FER1L6: variants seen among roughly 807,000 people sequenced by gnomAD.
FER1L6 encodes the protein fer-1 like family member 6, also known as fer-1-like protein 6.
FER1L6 carries 177 observed loss-of-function variants against 219.2 expected under a neutral mutation model. That is an observed-to-expected ratio of 0.81 (90% CI 0.71 to 0.91). The LOEUF (loss-of-function observed/expected upper bound fraction) is 0.91, where lower values mean the gene tolerates loss of function less well. Among genes scored for constraint, FER1L6 ranks in the 40% least tolerant of loss-of-function variants. The pLI is 0.00. For synonymous variants in FER1L6, 768 were observed against 824.3 expected (o/e 0.93, Z 1.17); for missense variants, 2,153 against 2,259.9 (o/e 0.95, Z 0.96).
chr8:124,021,668 A>T lies in FER1L6; in HGVS notation c.2132A>T (p.Glu711Val), dbSNP rs201252995. ...FVEKIRFLVDEPQHTIPDVFI... is the reference protein window; with the variant it reads ...FVEKIRFLVDVPQHTIPDVFI... ...GAAAAAATCCGCTTTCTTGTTGATG[A>T]GGTAACTGACTCTAAAGGCAAACCT... The change falls in exon 17 of 41, where the codon GAG becomes GTG. Residue 711 changes from glutamate to valine, a missense_variant and splice_region_variant. Transcript: ENST00000522917. The T allele has an allele frequency of 9.0e-5, 146 of 1,613,964 alleles. No individual in the cohort carries two copies. The highest frequency in any genetic ancestry group is 5.2e-5 in the Non-Finnish European group (61 of 1,179,934).
intron 12 of FER1L6, among the ~76,000 whole-genome samples, chr8:123,991,931 T>C (rs967796171): frequency 1.3e-5 from 2 of 152,186 alleles, no homozygotes; most frequent in Non-Finnish European, 2.9e-5. Flanking sequence ...CTGTATTTTA[T>C]TGAATGCTTT....
chr8:123,869,463 T>C (rs1056167278), intron 1 of FER1L6, among the ~76,000 whole-genome samples: 1 of 152,166 alleles, frequency 6.6e-6, no homozygotes, highest in Admixed American at 6.6e-5. Context: ...TTTTTTGCTG[T>C]CAAATCCATT....
At chr8:124,066,380 C>A (rs1340189464) in intron 26 of FER1L6, 48 bp from the exon 27 acceptor site, 1 of 1,589,658 alleles carries the variant, frequency 6.3e-7, no homozygotes. Context: ...CATCAGCATG[C>A]AGCCAAATGA....
chr8:124,110,107 C>G (rs1250525866), intron 39 of FER1L6, among the ~76,000 whole-genome samples: 1 of 152,180 alleles, frequency 6.6e-6, no homozygotes, highest in Admixed American at 6.5e-5. Context: ...TCAGTCAGAA[C>G]ACATCCAATG....
At chr8:124,033,505 T>C (rs1254700661) in intron 18 of FER1L6, among the ~76,000 whole-genome samples, 2 of 152,154 alleles carry the variant, frequency 1.3e-5, no homozygotes, top group East Asian at 3.9e-4. Context: ...ATTTTTTTTT[T>C]TGAGCTCAAC....
At chr8:123,975,396 A>G in intron 8 of FER1L6, 90 bp downstream of exon 8, 1 of 1,239,228 alleles carries the variant, frequency 8.1e-7, no homozygotes, top group Non-Finnish European at 1.1e-6. Context: ...TTATGGGTAC[A>G]TGAGAACCAT....
Position 124,003,347 on chromosome 8 carries a change from G to A in FER1L6, c.1700G>A (p.Arg567Lys). 2 of 1,607,140 alleles carry A rather than the reference G, an allele frequency of 1.2e-6. No homozygotes were observed. Among genetic ancestry groups the A allele is most frequent in the Admixed American group, 3.3e-5 (2 of 59,706 alleles). Reference protein sequence around the residue: ...PEKPLVTEGNRNYNYLPFEAK... With the variant: ...PEKPLVTEGNKNYNYLPFEAK... ...AAGCCACTGGTGACAGAAGGGAACA[G>A]GTAGGAGACATAGCCTGGGAGAACA... Residue 567 changes from arginine (R) to lysine (K), a missense_variant and splice_region_variant, in exon 13 of 41, where the codon AGG becomes AAG. Transcript: ENST00000522917.
intron 9 of FER1L6, among the ~76,000 whole-genome samples, chr8:123,976,858 T>C (rs1468607620): frequency 6.6e-6 from 1 of 152,158 alleles, no homozygotes. Flanking sequence ...ATTGGAGGTG[T>C]CAGGGCCTGT....
At chr8:123,955,724 G>C (rs768034699) in intron 1 of FER1L6, among the ~76,000 whole-genome samples, 4 of 152,242 alleles carry the variant, frequency 2.6e-5, no homozygotes, top group Non-Finnish European at 4.4e-5. Context: ...TTCAGCTAGT[G>C]TTGTTAGTAT....
In FER1L6 at chr8:124,120,033, A is replaced by C; in HGVS notation, c.*243A>C. ...AAATAAGGCACTTTCACCTCATGGT[A>C]ATCAACAATGACCTCAAATTGACTT... is the stretch of plus-strand genomic sequence containing the variant. On this transcript the variant is annotated 3_prime_UTR_variant, in exon 41 of 41. Coordinates refer to ENST00000522917, the MANE Select transcript of FER1L6 (RefSeq NM_001039112.2). The C allele has an allele frequency of 5.0e-6, 2 of 396,402 alleles. No individual in the cohort carries two copies. The highest frequency in any genetic ancestry group is 4.2e-5 in the Admixed American group (1 of 23,688). 24.6% of individuals were successfully genotyped at this position (396,402 alleles called of 1,614,324 possible). A position where few individuals can be genotyped will look rare whatever the true frequency, so the allele number is the denominator to read the frequency against.
chr8:123,869,866 GA>G (rs1816896924), intron 1 of FER1L6, among the ~76,000 whole-genome samples: 1 of 152,220 alleles, frequency 6.6e-6, no homozygotes, highest in Non-Finnish European at 1.5e-5. Flanking sequence ...ACAGCATGGA[GA>G]ACCTGGAAAT....
At chr8:123,962,581 C>T (rs79606610) in intron 2 of FER1L6, among the ~76,000 whole-genome samples, 1,743 of 152,128 alleles carry the variant, frequency 0.011, 35 homozygotes, top group African/African-American at 0.038. Flanking sequence ...GTATGCCTGA[C>T]CTCCTGTCTC....
chr8:124,085,744 C>T (rs1821758937), intron 33 of FER1L6, among the ~76,000 whole-genome samples: 1 of 151,858 alleles, frequency 6.6e-6, no homozygotes, highest in Admixed American at 6.6e-5. Context: ...TCCATTTGGT[C>T]TATAGGGTCG....
intron 24 of FER1L6, 147 bp downstream of exon 24, chr8:124,060,856 T>C (rs928571751): frequency 2.1e-6 from 2 of 948,640 alleles, no homozygotes; most frequent in East Asian, 5.5e-5. Context: ...TAGACTTTTG[T>C]TGTTGTTGTT....
At chr8:124,057,535 C>G (rs977964875) in intron 22 of FER1L6, among the ~76,000 whole-genome samples, 2 of 152,114 alleles carry the variant, frequency 1.3e-5, no homozygotes. Flanking sequence ...CAGCCTTTAT[C>G]TATTCAAAGA....
At position 123,980,606 on chromosome 8, in the gene FER1L6, C is replaced by T. The variant is rs749194850; in HGVS notation, c.1205C>T (p.Ala402Val). 2 of 1,614,124 alleles carry T rather than the reference C, an allele frequency of 1.2e-6. No homozygotes were observed. Among genetic ancestry groups the T allele is most frequent in the Admixed American group, 1.7e-5 (1 of 60,016 alleles). ...SFRGRILVEI[A>V]VEILSGRAQE... ...AGGGGCAGAATCTTGGTAGAAATTG[C>T]TGTGGAAATCCTCTCAGGACGGGCA... Residue 402 changes from alanine (A) to valine (V), a missense_variant, in exon 11 of 41, where the codon GCT (alanine) becomes GTT (valine). Transcript: ENST00000522917.
intron 33 of FER1L6, among the ~76,000 whole-genome samples, chr8:124,085,895 C>T (rs573655790): frequency 1.3e-5 from 2 of 152,142 alleles, no homozygotes; most frequent in African/African-American, 4.8e-5. Context: ...GGGTGCTCCA[C>T]GGTTGGGTGT....
At chr8:124,094,234 AAC>A (rs1822176662) in intron 34 of FER1L6, among the ~76,000 whole-genome samples, 1 of 152,048 alleles carries the variant, frequency 6.6e-6, no homozygotes, top group African/African-American at 2.4e-5. Context: ...TATGTTAGCA[AAC>A]AGTTTTGCAC....
Position 124,118,928 on chromosome 8 carries a change from C to A in FER1L6, c.5374C>A (p.Pro1792Thr). 1 of 1,613,354 alleles carries A rather than the reference C, an allele frequency of 6.2e-7. No homozygotes were observed. The highest frequency in any genetic ancestry group is 8.5e-7 in the Non-Finnish European group (1 of 1,179,744). The change falls in exon 40 of 41, where the codon CCC (proline) becomes ACC (threonine). Residue 1792 changes from proline to threonine, a missense_variant. Coordinates refer to ENST00000522917, the MANE Select transcript of FER1L6 (RefSeq NM_001039112.2). ...PVGKARKEPE[P>T]LAKPNRPDTS... ...TGGAAAAGCCCGAAAGGAGCCAGAG[C>A]CCCTGGCCAAGCCCAAGTGAGTGGA...
Sources: allele counts gnomAD v4.1 joint callset (sites outside exome capture counted in the v4.1 genomes callset), GRCh38; gene constraint gnomAD v4.1.1; transcripts MANE v1.5; gene names NCBI Gene and HGNC (gene_info 2026-07-23, HGNC 2026-07-21).